The following MCF2L variants were observed in gnomAD, a reference collection of about 807,000 sequenced individuals.
The protein encoded by MCF2L is MCF.2 cell line derived transforming sequence like, also known as guanine nucleotide exchange factor DBS.
In MCF2L, 97 loss-of-function variants were observed where a neutral mutation model predicts 153.4. That is an observed-to-expected ratio of 0.63 (90% CI 0.54 to 0.75). MCF2L has a LOEUF of 0.75. MCF2L is among the 30% of genes least tolerant of loss of function. The pLI is 0.00. For synonymous variants in MCF2L, 659 were observed against 632.2 expected (o/e 1.04, Z -0.64); for missense variants, 1,347 against 1,495.2 (o/e 0.90, Z 1.64).
chr13:112,899,945 A>G (rs1408928435), intron 1 of MCF2L, among the ~76,000 whole-genome samples: 3 of 152,194 alleles, frequency 2.0e-5, no homozygotes, highest in Non-Finnish European at 4.4e-5. Flanking sequence ...AAACAGCGGA[A>G]CAGCCCCTTG....
chr13:112,907,056 G>A lies in MCF2L; in HGVS notation c.169+4685G>A, dbSNP rs2081180054. 6.6e-6 allele frequency among the ~76,000 whole-genome samples: 1 copy of A among 152,148 alleles called. No homozygotes were observed. The highest frequency in any genetic ancestry group is 1.5e-5 in the Non-Finnish European group (1 of 68,028). ...GGAGTCGCGACATTGCTGTTTCTAT[G>A]TCAGAAGCCTTGGAGCATGGATGAT... On this transcript the variant is annotated intron_variant, in intron 2 of 29. Coordinates refer to the MCF2L transcript ENST00000375608. This position sits in a 1 kb window ranked among gnomAD's most constrained non-coding sequence, Gnocchi z 5.1.
chr13:113,081,264 G>A lies in MCF2L; in HGVS notation c.1860G>A (p.Leu620=), dbSNP rs1053357502. 2 of 1,589,612 alleles carry A rather than the reference G, an allele frequency of 1.3e-6. No individual in the cohort carries two copies. Among genetic ancestry groups the A allele is most frequent in the East Asian group, 4.5e-5 (2 of 44,068 alleles). The change falls in exon 16 of 30, where the codon CTG becomes CTA. Residue 620 remains leucine (L), a synonymous_variant. Transcript: ENST00000535094. ...CAGAACGGGCCTACGTGGAGGAGCT[G>A]CTGTGCGTCCTGGAGGTGAGGCTGG... The part of the protein sequence containing the change: ...LDTERAYVEE[L]LCVLEGYAAE...
chr13:113,003,738 C>G (rs1224472828), intron 1 of MCF2L, among the ~76,000 whole-genome samples: 3 of 152,298 alleles, frequency 2.0e-5, no homozygotes, highest in East Asian at 3.9e-4. Flanking sequence ...ATTGAAGAAG[C>G]ATTGTCGGTG....
At chr13:112,926,457 A>C (rs1025186395) in intron 2 of MCF2L, among the ~76,000 whole-genome samples, 17 of 151,782 alleles carry the variant, frequency 1.1e-4, no homozygotes, top group Non-Finnish European at 1.3e-4. Context: ...GGAGTACTGT[A>C]CGGCCTGGTC....
intron 2 of MCF2L, chr13:112,958,277 G>A (rs1035101489): frequency 6.6e-6 from 1 of 152,252 alleles, no homozygotes; most frequent in East Asian, 1.9e-4. Flanking sequence ...CGGCTGGCAT[G>A]TCTGACCTCA....
At chr13:113,079,436 A>C (rs2033864666) in intron 15 of MCF2L, among the ~76,000 whole-genome samples, 1 of 152,152 alleles carries the variant, frequency 6.6e-6, no homozygotes, top group Non-Finnish European at 1.5e-5. Flanking sequence ...CACACTTTGC[A>C]CTGTCTCCGT....
In MCF2L at chr13:112,938,490, A is replaced by G. The variant is rs572345527; in HGVS notation, c.169+36119A>G. Among the ~76,000 whole-genome samples the G allele has an allele frequency of 6.0e-4, 91 of 152,300 alleles. 1 individual carries two copies. Among genetic ancestry groups the G allele is most frequent in the African/African-American group, 2.1e-3 (86 of 41,562 alleles). ...TCCGGGTGGGCTCTTTCGGGTCCAC[A>G]TTTGTTCACAATTTGTTTCATTGTG... On this transcript the variant is annotated intron_variant, in intron 2 of 29. Coordinates refer to the MCF2L transcript ENST00000375608.
chr13:112,914,920 T>A (rs966358775), intron 2 of MCF2L, among the ~76,000 whole-genome samples: 10 of 152,134 alleles, frequency 6.6e-5, no homozygotes, highest in Admixed American at 2.6e-4. Flanking sequence ...ATCTCAGTAT[T>A]TGGGGGCTTC....
chr13:112,985,240 T>C (rs975963045), intron 1 of MCF2L: 2 of 380,730 alleles, frequency 5.3e-6, no homozygotes, highest in Non-Finnish European at 1.1e-5. Context: ...TCCCAGGTAG[T>C]GGGTGAAATG....
rs2035520696 is a variant in MCF2L at position 113,094,887 on chromosome 13, G to A, written c.3075+252G>A. On this transcript the variant is annotated intron_variant, in intron 27 of 29. Transcript: ENST00000535094. ...TAACTCTCTCTGGAAGGTCCACCTGGGCCTGGGTCTTAGGATGCAGCCCCA... is the reference window on the plus strand; with the variant it reads ...TAACTCTCTCTGGAAGGTCCACCTGAGCCTGGGTCTTAGGATGCAGCCCCA... 3 of 1,186,336 alleles carry A rather than the reference G, an allele frequency of 2.5e-6. No homozygotes were observed. In the Admixed American group the frequency reaches 6.4e-5, roughly 25 times the overall value. The allele number at this position is 1,186,336 out of a possible 1,614,324, so 73.5% of individuals were successfully genotyped here. A position where few individuals can be genotyped will look rare whatever the true frequency, so the allele number is the denominator to read the frequency against.
chr13:112,972,543 G>A (rs920844554), intron 1 of MCF2L, among the ~76,000 whole-genome samples: 2 of 150,476 alleles, frequency 1.3e-5, no homozygotes, highest in African/African-American at 4.9e-5. Context: ...TGGGTGGATG[G>A]ATGGATAAAT....
rs1472632904 is a variant in MCF2L at position 112,974,299 on chromosome 13, C to T, written c.79+4841C>T. On this transcript the variant is annotated intron_variant, in intron 1 of 29. Coordinates refer to ENST00000535094, the MANE Select transcript of MCF2L (RefSeq NM_001112732.3). ...ACCTCTGAGTCTGCAAAGCCCCTTG[C>T]GTGGCTGACTTCCAGGTCTGCAAGG... Among the ~76,000 whole-genome samples, 3 of 152,126 alleles carry T rather than the reference C, an allele frequency of 2.0e-5. 1 individual carries two copies. In the South Asian group the frequency reaches 6.2e-4, roughly 31 times the overall value.
chr13:113,038,313 A>C (rs955367931), intron 3 of MCF2L, among the ~76,000 whole-genome samples: 1 of 152,030 alleles, frequency 6.6e-6, no homozygotes, highest in Non-Finnish European at 1.5e-5. Flanking sequence ...AAAATACAAA[A>C]AATTAGCAGG....
rs572469434 is a variant in MCF2L at position 112,941,960 on chromosome 13, G to A, written c.169+39589G>A. On this transcript the variant is annotated intron_variant, in intron 2 of 29. Transcript: ENST00000375608. This position sits in a 1 kb window ranked among gnomAD's most constrained non-coding sequence, Gnocchi z 4.9. The stretch of plus-strand genomic sequence containing the variant: ...GAGGGCTCTTTGGTCTAGCGGTAAC[G>A]CCAGCATCTGGGAAGACGCCCGTTG... Among the ~76,000 whole-genome samples the A allele has an allele frequency of 2.0e-4, 31 of 152,304 alleles. No homozygotes were observed. Among genetic ancestry groups the A allele is most frequent in the African/African-American group, 6.0e-4 (25 of 41,582 alleles).
Position 113,036,421 on chromosome 13 carries a change from G to A in MCF2L, c.279-8850G>A, listed in dbSNP as rs1230400497. 7.9e-5 allele frequency among the ~76,000 whole-genome samples: 12 copies of A among 152,256 alleles called. 1 individual carries two copies. On this transcript the variant is annotated intron_variant, in intron 3 of 29. Transcript: ENST00000535094. Reference sequence around the variant, plus strand: ...TGTGCTTGGGCAACCAAGGCTGCCTGTGTCTCTGTGCTCTGGGGGGCTTTT... The same window carrying A: ...TGTGCTTGGGCAACCAAGGCTGCCTATGTCTCTGTGCTCTGGGGGGCTTTT...
intron 2 of MCF2L, among the ~76,000 whole-genome samples, chr13:112,908,157 G>A (rs540871918): frequency 1.6e-3 from 245 of 152,280 alleles, no homozygotes; most frequent in African/African-American, 5.6e-3. Context: ...GTATCTGCTC[G>A]TGTCCAATGC....
intron 1 of MCF2L, among the ~76,000 whole-genome samples, chr13:112,900,046 G>A (rs1427950379): frequency 6.6e-6 from 1 of 152,160 alleles, no homozygotes; most frequent in Non-Finnish European, 1.5e-5. Flanking sequence ...GGGCATAAAC[G>A]TGACCGTGCA....
rs148941814 is a variant in MCF2L, at chr13:113,013,912, C to T, written c.80-851C>T. On this transcript the variant is annotated intron_variant, in intron 1 of 29. Coordinates refer to ENST00000535094, the MANE Select transcript of MCF2L (RefSeq NM_001112732.3). ...GAGGGTCTTGCTGGCCCCATGCTCCCGGCTGGTGCTGGCTCCATGCTCCTA... is the reference window on the plus strand; with the variant it reads ...GAGGGTCTTGCTGGCCCCATGCTCCTGGCTGGTGCTGGCTCCATGCTCCTA... 1.4e-3 allele frequency among the ~76,000 whole-genome samples: 212 copies of T among 150,092 alleles called. 2 individuals carry two copies. Among genetic ancestry groups the T allele is most frequent in the African/African-American group, 5.2e-3 (206 of 39,794 alleles).
intron 1 of MCF2L, among the ~76,000 whole-genome samples, chr13:112,973,917 C>A (rs1229920957): frequency 6.6e-6 from 1 of 152,122 alleles, no homozygotes; most frequent in Non-Finnish European, 1.5e-5. Flanking sequence ...GAGTCACTGG[C>A]CCCTTTTCAC....
Sources: gnomAD v4.1 joint callset for allele counts (sites outside exome capture counted in the v4.1 genomes callset) on GRCh38, gnomAD v4.1.1 for gene constraint, Gnocchi (gnomAD v3.1) non-coding constraint, MANE v1.5 for transcripts, NCBI Gene and HGNC (gene_info 2026-07-23, HGNC 2026-07-21) for gene names.